DIAPH2: variants seen among roughly 807,000 people sequenced by gnomAD.
The protein encoded by DIAPH2 is protein diaphanous homolog 2.
DIAPH2 carries 35 observed loss-of-function variants against 92.7 expected under a neutral mutation model. The ratio of observed to expected loss-of-function variants is 0.38; its 90% CI spans 0.29 to 0.50. The LOEUF (loss-of-function observed/expected upper bound fraction) is 0.50. DIAPH2 is among the 20% of genes least tolerant of loss of function. DIAPH2 has a pLI of 0.94. For synonymous variants in DIAPH2, 301 were observed against 280.4 expected (o/e 1.07, Z -0.73); for missense variants, 701 against 819.5 (o/e 0.86, Z 1.77).
At chrX:97,532,465 G>A (rs747269202) in intron 26 of DIAPH2, among the ~76,000 whole-genome samples, 4 of 112,580 alleles carry the variant, frequency 3.6e-5, no homozygotes, top group Non-Finnish European at 7.5e-5. Flanking sequence ...TTGTGGCCCA[G>A]TGTCATCCCC....
At chrX:97,070,241 C>T (rs752400944) in intron 17 of DIAPH2, among the ~76,000 whole-genome samples, 2 of 110,767 alleles carry the variant, frequency 1.8e-5, no homozygotes, top group Non-Finnish European at 3.8e-5. Context: ...GACTGTGGGC[C>T]TCATTATGAA....
At chrX:96,790,331 A>G (rs770574968) in intron 4 of DIAPH2, among the ~76,000 whole-genome samples, 4 of 111,286 alleles carry the variant, frequency 3.6e-5, no homozygotes, top group African/African-American at 1.3e-4. Flanking sequence ...TCGGCCTCCC[A>G]AAGTGCTGGA....
At chrX:97,185,517 A>ATATATATATATATATC (rs2067596655) in intron 22 of DIAPH2, among the ~76,000 whole-genome samples, 1 of 43,612 alleles carries the variant, frequency 2.3e-5, no homozygotes, top group African/African-American at 7.1e-5. Context: ...ATATATATAT[A>ATATATATATATATATC]TATCTCACTT....
At chrX:96,810,275 T>C (rs1055390516) in intron 4 of DIAPH2, among the ~76,000 whole-genome samples, 1 of 112,588 alleles carries the variant, frequency 8.9e-6, no homozygotes, top group Non-Finnish European at 1.9e-5. Flanking sequence ...CCAGTGATGA[T>C]GAGCATTTTT....
At chrX:97,216,019 G>A (rs1257690358) in intron 22 of DIAPH2, among the ~76,000 whole-genome samples, 1 of 111,813 alleles carries the variant, frequency 8.9e-6, no homozygotes, top group Admixed American at 9.5e-5. Context: ...TTATTCACCG[G>A]CCTCAACTGC....
At chrX:97,229,758 T>C (rs958727034) in intron 22 of DIAPH2, among the ~76,000 whole-genome samples, 5 of 106,825 alleles carry the variant, frequency 4.7e-5, no homozygotes, top group Non-Finnish European at 9.6e-5. Flanking sequence ...TTTGGGCTTA[T>C]ATATAATAAC....
intron 20 of DIAPH2, among the ~76,000 whole-genome samples, chrX:97,109,160 T>C (rs1280362123): frequency 9.0e-6 from 1 of 111,596 alleles, no homozygotes; most frequent in Non-Finnish European, 1.9e-5. Context: ...CACTTACATC[T>C]GAAATCCCAG....
chrX:97,018,782 A>G (rs1341780464), intron 17 of DIAPH2, among the ~76,000 whole-genome samples: 1 of 111,544 alleles, frequency 9.0e-6, no homozygotes, highest in Non-Finnish European at 1.9e-5. Flanking sequence ...ACTAAAGTCC[A>G]TAGTTCAGAG....
Position 97,014,014 on chromosome X carries a change from CTT to C in DIAPH2, c.2050+48809_2050+48810del, listed in dbSNP as rs746939284. ...ATGATAGAAAAATAGGAAAGAGCCT[CTT>C]TGTGATGCAGTGTATTATTTCTATC... is the stretch of plus-strand genomic sequence containing the variant. On this transcript the variant is annotated intron_variant, in intron 17 of 26. Transcript: ENST00000324765. 7.1e-5 allele frequency among the ~76,000 whole-genome samples: 8 copies of C among 112,009 alleles called. No individual in the cohort carries two copies. The East Asian group carries it at 2.2e-3, about 31-fold the overall frequency.
chrX:96,997,841 A>G (rs1336257957), intron 17 of DIAPH2, among the ~76,000 whole-genome samples: 4 of 112,253 alleles, frequency 3.6e-5, no homozygotes, highest in Non-Finnish European at 7.5e-5. Flanking sequence ...GATCACGATC[A>G]TTTTGATTAT....
chrX:97,574,745 A>AT (rs1161928213), intron 26 of DIAPH2, among the ~76,000 whole-genome samples: 2 of 112,508 alleles, frequency 1.8e-5, no homozygotes, highest in Non-Finnish European at 3.8e-5. Context: ...TAGGCCATGT[A>AT]TAATTAGTTC....
chrX:96,849,055 A>T (rs1602563127), intron 4 of DIAPH2, among the ~76,000 whole-genome samples: 1 of 112,308 alleles, frequency 8.9e-6, no homozygotes, highest in African/African-American at 3.2e-5. Flanking sequence ...TTATCTATTT[A>T]TAACTTTGGG....
At chrX:96,820,147 A>G (rs1380137222) in intron 4 of DIAPH2, among the ~76,000 whole-genome samples, 1 of 112,114 alleles carries the variant, frequency 8.9e-6, no homozygotes, top group Non-Finnish European at 1.9e-5. Context: ...CAAGAATATG[A>G]GTGAGAAAAG....
intron 4 of DIAPH2, among the ~76,000 whole-genome samples, chrX:96,778,277 T>C (rs1479275436): frequency 9.0e-6 from 1 of 111,052 alleles, no homozygotes; most frequent in South Asian, 3.9e-4. Flanking sequence ...TTATTTGCTC[T>C]AATTTCTTAT....
intron 4 of DIAPH2, among the ~76,000 whole-genome samples, chrX:96,802,861 A>G (rs1454177194): frequency 8.9e-6 from 1 of 111,770 alleles, no homozygotes; most frequent in Non-Finnish European, 1.9e-5. Context: ...CCTTCAGTCT[A>G]TGGCTGAAGG....
intron 23 of DIAPH2, among the ~76,000 whole-genome samples, chrX:97,308,419 G>A (rs149350069): frequency 3.5e-3 from 388 of 110,073 alleles, no homozygotes; most frequent in African/African-American, 0.012. Context: ...AAATCCCATC[G>A]CTTTACTTTG....
Position 97,021,780 on chromosome X carries a change from G to C in DIAPH2, c.2051-51161G>C, listed in dbSNP as rs191316776. ...AAAGAAACACGCTCTGAGGCTTGGT[G>C]AGTGGAATGTACTGTATGAATTTAC... On this transcript the variant is annotated intron_variant, in intron 17 of 26. Coordinates refer to ENST00000324765, the MANE Select transcript of DIAPH2 (RefSeq NM_006729.5). 6.4e-4 allele frequency among the ~76,000 whole-genome samples: 71 copies of C among 111,787 alleles called. No individual in the cohort carries two copies. The East Asian group carries it at 7.9e-3, about 12-fold the overall frequency.
chrX:97,204,854 T>C (rs2067782812), intron 22 of DIAPH2, among the ~76,000 whole-genome samples: 1 of 111,619 alleles, frequency 9.0e-6, no homozygotes, highest in East Asian at 2.8e-4. Flanking sequence ...AAAAAGATCC[T>C]GTATAGCCAA....
At chrX:97,289,558 AC>A (rs1392803297) in intron 23 of DIAPH2, among the ~76,000 whole-genome samples, 4 of 111,147 alleles carry the variant, frequency 3.6e-5, no homozygotes, top group African/African-American at 1.3e-4. Flanking sequence ...CATCTGGGGA[AC>A]TTTTAAAAAA....
Sources: allele counts gnomAD v4.1 joint callset (sites outside exome capture counted in the v4.1 genomes callset), GRCh38; gene constraint gnomAD v4.1.1; transcripts MANE v1.5; gene names NCBI Gene and HGNC (gene_info 2026-07-23, HGNC 2026-07-21).